C13orf42: variants seen among roughly 807,000 people sequenced by gnomAD.
C13orf42 encodes uncharacterized protein C13orf42.
rs1341120954 is a variant in C13orf42, at chr13:51,168,925, G to C, written n.136+3328C>G. ...TAAGCCTCTTTCCTCTTTGCCTTCC[G>C]CCATAATTGTAAGTTTCCTGAGGCC... is the stretch of plus-strand genomic sequence containing the variant. On this transcript the variant is annotated intron_variant and non_coding_transcript_variant, in intron 1 of 4. Coordinates refer to the C13orf42 transcript ENST00000433280. Among the ~76,000 whole-genome samples, 5 of 151,936 alleles carry C rather than the reference G, an allele frequency of 3.3e-5. No individual in the cohort carries two copies. In the South Asian group the frequency reaches 1.0e-3, roughly 32 times the overall value.
chr13:51,112,391 A>AT (rs1189021590), upstream of C13orf42, among the ~76,000 whole-genome samples: 1 of 152,164 alleles, frequency 6.6e-6, no homozygotes, highest in East Asian at 1.9e-4. Flanking sequence ...GAAAGAAAAG[A>AT]TTCACGGTTT....
Position 51,110,016 on chromosome 13 carries a change from C to T in C13orf42, c.414+780G>A, listed in dbSNP as rs574717382. On this transcript the variant is annotated intron_variant, in intron 1 of 3. Coordinates refer to ENST00000563710, the MANE Select transcript of C13orf42 (RefSeq NM_001351589.3). ...TCTTTCACTCATTTCATGCTTGTGA[C>T]TGTCTGGAGACCTCCAGTGCCCAAA... 2.3e-3 allele frequency among the ~76,000 whole-genome samples: 354 copies of T among 152,190 alleles called. 2 individuals carry two copies. The highest frequency in any genetic ancestry group is 4.0e-3 in the Non-Finnish European group (272 of 68,014).
intron 1 of C13orf42, among the ~76,000 whole-genome samples, chr13:51,137,511 C>T (rs1953666271): frequency 6.6e-6 from 1 of 152,154 alleles, no homozygotes; most frequent in South Asian, 2.1e-4. Context: ...ACTCTGTCCC[C>T]ACGCTGGCTC....
chr13:51,138,182 A>G (rs576254409), intron 1 of C13orf42, among the ~76,000 whole-genome samples: 9 of 152,344 alleles, frequency 5.9e-5, no homozygotes, highest in African/African-American at 2.2e-4. Context: ...CTACACCTAC[A>G]AAATGGAAAG....
Position 51,090,184 on chromosome 13 carries a change from A to G in C13orf42, c.415-2109T>C, listed in dbSNP as rs995120580. 3.3e-5 allele frequency among the ~76,000 whole-genome samples: 5 copies of G among 152,000 alleles called. No homozygotes were observed. The South Asian group carries it at 8.3e-4, about 25-fold the overall frequency. On this transcript the variant is annotated intron_variant, in intron 1 of 3. Transcript: ENST00000563710. ...GTCCACACTTGTTTATTCTCCCTGC[A>G]TTTTCTCTTGCTGCTTCCTTTGCCT...
In C13orf42 at chr13:51,147,621, C is replaced by T. The variant is rs183983894; in HGVS notation, n.136+24632G>A. 9.9e-4 allele frequency among the ~76,000 whole-genome samples: 150 copies of T among 152,042 alleles called. 5 individuals are homozygous for T. The East Asian group carries it at 0.024, about 24-fold the overall frequency. On this transcript the variant is annotated intron_variant and non_coding_transcript_variant, in intron 1 of 4. Transcript: ENST00000433280. Reference sequence around the variant, plus strand: ...GCGGGTGCCTGTAATCCCAGCTACTCGGGAGGCTGAGGCTGGAGAATCGCT... The same window carrying T: ...GCGGGTGCCTGTAATCCCAGCTACTTGGGAGGCTGAGGCTGGAGAATCGCT...
intron 1 of C13orf42, among the ~76,000 whole-genome samples, chr13:51,141,746 C>T (rs947464668): frequency 2.0e-5 from 3 of 151,690 alleles, no homozygotes; most frequent in Non-Finnish European, 2.9e-5. Flanking sequence ...TGCAGTGAAC[C>T]GAGATCCCAC....
intron 1 of C13orf42, among the ~76,000 whole-genome samples, chr13:51,103,619 T>G (rs1289265421): frequency 1.3e-5 from 2 of 152,054 alleles, no homozygotes; most frequent in African/African-American, 4.8e-5. Flanking sequence ...GAGAATCACT[T>G]GAACCCGGGA....
intron 1 of C13orf42, among the ~76,000 whole-genome samples, chr13:51,144,686 T>G (rs1337375343): frequency 6.6e-6 from 1 of 152,186 alleles, no homozygotes; most frequent in Admixed American, 6.5e-5. Flanking sequence ...TGACCTGTGG[T>G]AAGTAAAGAA....
intron 1 of C13orf42, among the ~76,000 whole-genome samples, chr13:51,132,723 G>C (rs1048227663): frequency 6.6e-6 from 1 of 152,142 alleles, no homozygotes; most frequent in Non-Finnish European, 1.5e-5. Flanking sequence ...ATCTGGACTA[G>C]AGCAACTCCA....
chr13:51,119,443 C>T (rs1566131746), intron 1 of C13orf42, among the ~76,000 whole-genome samples: 1 of 152,132 alleles, frequency 6.6e-6, no homozygotes, highest in South Asian at 2.1e-4. Context: ...GCATTGAATG[C>T]TTTCCTGCTG....
intron 1 of C13orf42, among the ~76,000 whole-genome samples, chr13:51,119,859 C>A (rs759898099): frequency 1.3e-5 from 2 of 151,996 alleles, no homozygotes. Flanking sequence ...ATGTACTTAA[C>A]GCCACTAAAT....
In C13orf42 at chr13:51,118,759, C is replaced by A. The variant is rs534982368; in HGVS notation, n.137-5537G>T. On this transcript the variant is annotated intron_variant and non_coding_transcript_variant, in intron 1 of 4. Coordinates refer to the C13orf42 transcript ENST00000433280. Reference sequence around the variant, plus strand: ...GTATATGGCATAATTATGAATAGCACCCCAAATAGATGATCTTGTAGCCTA... The same window carrying A: ...GTATATGGCATAATTATGAATAGCAACCCAAATAGATGATCTTGTAGCCTA... Among the ~76,000 whole-genome samples the A allele has an allele frequency of 4.6e-5, 7 of 152,264 alleles. No individual in the cohort carries two copies. The South Asian group carries it at 8.3e-4, about 18-fold the overall frequency.
intron 1 of C13orf42, among the ~76,000 whole-genome samples, chr13:51,146,828 C>T (rs528371951): frequency 6.6e-6 from 1 of 152,292 alleles, no homozygotes; most frequent in South Asian, 2.1e-4. Flanking sequence ...TTCCCTTTAG[C>T]TTAGTGATTT....
intron 1 of C13orf42, among the ~76,000 whole-genome samples, chr13:51,157,980 C>A (rs756817329): frequency 1.3e-5 from 2 of 152,080 alleles, no homozygotes; most frequent in African/African-American, 2.4e-5. Flanking sequence ...AGTGACAGTA[C>A]CAAAAATAAC....
upstream of C13orf42, among the ~76,000 whole-genome samples, chr13:51,111,369 G>C (rs1049763247): frequency 1.3e-5 from 2 of 152,148 alleles, no homozygotes; most frequent in African/African-American, 2.4e-5. Flanking sequence ...GATCAGGTGG[G>C]TAACCTGCAC....
chr13:51,085,700 A>G, intron 2 of C13orf42, 141 bp from the exon 3 acceptor site: 1 of 396,276 alleles, frequency 2.5e-6, no homozygotes, highest in Non-Finnish European at 4.4e-6. Context: ...AGCAAAGCAG[A>G]TTTGACTCTG....
intron 1 of C13orf42, among the ~76,000 whole-genome samples, chr13:51,146,641 G>A (rs1432542858): frequency 6.6e-6 from 1 of 152,178 alleles, no homozygotes; most frequent in Non-Finnish European, 1.5e-5. Context: ...AGGACTCACA[G>A]TGGGGAGGGG....
intron 1 of C13orf42, among the ~76,000 whole-genome samples, chr13:51,090,969 C>G (rs780227239): frequency 1.3e-5 from 2 of 152,222 alleles, no homozygotes; most frequent in Non-Finnish European, 2.9e-5. Context: ...TCAGCTGCAC[C>G]TTTGCTAGAG....
Sources: gnomAD v4.1 joint callset for allele counts (sites outside exome capture counted in the v4.1 genomes callset) on GRCh38, gnomAD v4.1.1 for gene constraint, MANE v1.5 for transcripts, NCBI Gene and HGNC (gene_info 2026-07-23, HGNC 2026-07-21) for gene names.